CTNNA2: variants seen among roughly 807,000 people sequenced by gnomAD.
The protein encoded by CTNNA2 is catenin alpha 2.
In CTNNA2, 42 loss-of-function variants were observed where a neutral mutation model predicts 101.0. The observed-to-expected ratio is 0.42, with a 90% CI of 0.32 to 0.54. The LOEUF is 0.54. Among genes scored for constraint, CTNNA2 ranks in the 20% least tolerant of loss-of-function variants. The pLI is 0.14. For synonymous variants in CTNNA2, 450 were observed against 456.4 expected (o/e 0.99, Z 0.18); for missense variants, 871 against 1,223.1 (o/e 0.71, Z 4.29).
chr2:79,205,305 G>T (rs547629508), intron 2 of CTNNA2, among the ~76,000 whole-genome samples: 32 of 152,316 alleles, frequency 2.1e-4, no homozygotes, highest in Admixed American at 1.4e-3. Flanking sequence ...GAGAGAAAAA[G>T]CTTCCAAATG....
intron 14 of CTNNA2, among the ~76,000 whole-genome samples, chr2:80,585,423 A>C (rs1695897689): frequency 6.6e-6 from 1 of 152,200 alleles, no homozygotes; most frequent in Non-Finnish European, 1.5e-5. Flanking sequence ...GGAACCCCAC[A>C]TCAGGCAGAT....
chr2:80,294,412 C>T (rs376940470), intron 7 of CTNNA2, among the ~76,000 whole-genome samples: 34 of 152,140 alleles, frequency 2.2e-4, no homozygotes, highest in African/African-American at 7.5e-4. Flanking sequence ...AGGTGACTCC[C>T]TTCTCCCTGC....
chr2:79,674,718 G>C (rs759243587), intron 2 of CTNNA2, among the ~76,000 whole-genome samples: 6 of 152,134 alleles, frequency 3.9e-5, no homozygotes, highest in Non-Finnish European at 8.8e-5. Flanking sequence ...CTTAAAGGTA[G>C]TTAATGCCAC....
At chr2:79,252,271 A>G (rs1401286485) in intron 2 of CTNNA2, among the ~76,000 whole-genome samples, 3 of 145,150 alleles carry the variant, frequency 2.1e-5, no homozygotes. Context: ...CCCTCAAGTT[A>G]AAAGAGCATG....
intron 4 of CTNNA2, among the ~76,000 whole-genome samples, chr2:79,379,961 T>C (rs2104462192): frequency 6.6e-6 from 1 of 152,294 alleles, no homozygotes; most frequent in African/African-American, 2.4e-5. Context: ...ATATCCAGTT[T>C]TACAGGTCCC....
chr2:79,950,594 C>A (rs1035875350), intron 7 of CTNNA2, among the ~76,000 whole-genome samples: 1 of 152,204 alleles, frequency 6.6e-6, no homozygotes, highest in Non-Finnish European at 1.5e-5. Context: ...GATTTGCTAA[C>A]ATATTATACC....
At chr2:80,331,756 A>G (rs1399265470) in intron 7 of CTNNA2, among the ~76,000 whole-genome samples, 1 of 152,188 alleles carries the variant, frequency 6.6e-6, no homozygotes, top group Non-Finnish European at 1.5e-5. Context: ...TTGAGAAAAG[A>G]GTGAGGGTCC....
At position 80,036,844 on chromosome 2, in the gene CTNNA2, TGTGTGA is replaced by T. The variant is rs1203223556; in HGVS notation, c.1056+127049_1056+127054del. Among the ~76,000 whole-genome samples, 347 of 74,156 alleles carry T rather than the reference TGTGTGA, an allele frequency of 4.7e-3. 3 individuals are homozygous for T. Among genetic ancestry groups the T allele is most frequent in the African/African-American group, 0.015 (315 of 21,208 alleles). 48.6% of individuals were successfully genotyped at this position (74,156 alleles called of 152,430 possible). On this transcript the variant is annotated intron_variant, in intron 7 of 18. Coordinates refer to ENST00000402739, the MANE Select transcript of CTNNA2 (RefSeq NM_001282597.3). ...GTGTTTGTGTGTGTGTGTGTGTGTGTGTGTGAGAGAGAGAGAGAGAGAGAGAGAGAG... is the reference window on the plus strand; with the variant it reads ...GTGTTTGTGTGTGTGTGTGTGTGTGTGAGAGAGAGAGAGAGAGAGAGAGAG...
chr2:79,510,270 A>T (rs531704849), upstream of CTNNA2, among the ~76,000 whole-genome samples: 6 of 152,294 alleles, frequency 3.9e-5, no homozygotes, highest in African/African-American at 1.4e-4. Flanking sequence ...GTATATGTTT[A>T]TGTCATTGAA....
chr2:79,410,393 A>G (rs1374524577), intron 4 of CTNNA2, among the ~76,000 whole-genome samples: 1 of 149,596 alleles, frequency 6.7e-6, no homozygotes, highest in Non-Finnish European at 1.5e-5. Flanking sequence ...TTTCAAAGGG[A>G]ATGCTTCCAG....
intron 6 of CTNNA2, among the ~76,000 whole-genome samples, chr2:79,889,972 A>C (rs1218249981): frequency 2.0e-5 from 3 of 152,200 alleles, no homozygotes; most frequent in Admixed American, 6.5e-5. Context: ...AAACAGATTA[A>C]ATTACCTCTT....
intron 2 of CTNNA2, among the ~76,000 whole-genome samples, chr2:79,678,888 C>T (rs1485234607): frequency 1.3e-5 from 2 of 152,190 alleles, no homozygotes; most frequent in Non-Finnish European, 2.9e-5. Context: ...ATGCAATTTA[C>T]AGCTCCTTAA....
chr2:80,467,839 AGAGT>A (rs1684982542), intron 9 of CTNNA2, among the ~76,000 whole-genome samples: 1 of 152,174 alleles, frequency 6.6e-6, no homozygotes, highest in East Asian at 1.9e-4. Context: ...AAATATAGCA[AGAGT>A]GAGTCCTCAC....
chr2:80,632,028 A>G (rs905203761), intron 18 of CTNNA2, among the ~76,000 whole-genome samples: 1 of 152,154 alleles, frequency 6.6e-6, no homozygotes, highest in Non-Finnish European at 1.5e-5. Flanking sequence ...TGATTATTAA[A>G]TTGATGCATA....
chr2:80,606,414 C>CCCACCCA (rs1558638324), intron 16 of CTNNA2, among the ~76,000 whole-genome samples: 1 of 51,614 alleles, frequency 1.9e-5, no homozygotes, highest in Admixed American at 2.1e-4. Flanking sequence ...ACACACACAC[C>CCCACCCA]CCCCAGGATA....
intron 5 of CTNNA2, 39 bp from the exon 6 acceptor site, chr2:79,874,036 AT>A (rs1682806882): frequency 1.2e-6 from 2 of 1,605,028 alleles, no homozygotes; most frequent in African/African-American, 2.7e-5. Flanking sequence ...TTCTATGCAA[AT>A]TTCATGTGTG....
chr2:79,222,698 TC>T (rs1262476745), intron 2 of CTNNA2, among the ~76,000 whole-genome samples: 9 of 152,106 alleles, frequency 5.9e-5, no homozygotes, highest in African/African-American at 1.9e-4. Flanking sequence ...TCTCTCTCTC[TC>T]TCTGTTCTTA....
chr2:80,120,092 T>C (rs1701748371), intron 7 of CTNNA2, among the ~76,000 whole-genome samples: 1 of 152,172 alleles, frequency 6.6e-6, no homozygotes, highest in Admixed American at 6.5e-5. Context: ...TTTCCTCTCT[T>C]TCTTGAACTA....
At chr2:79,484,945 T>C (rs1392757188) in intron 4 of CTNNA2, among the ~76,000 whole-genome samples, 2 of 152,200 alleles carry the variant, frequency 1.3e-5, no homozygotes, top group African/African-American at 4.8e-5. Context: ...ATAGGGGAGA[T>C]TCTAAAACCT....
Sources: allele counts gnomAD v4.1 joint callset (sites outside exome capture counted in the v4.1 genomes callset), GRCh38; gene constraint gnomAD v4.1.1; transcripts MANE v1.5; gene names NCBI Gene and HGNC (gene_info 2026-07-23, HGNC 2026-07-21).